The following GPC5 variants were observed in gnomAD, a reference collection of about 807,000 sequenced individuals.
The protein encoded by GPC5 is glypican-5.
A neutral mutation model predicts 53.9 loss-of-function variants in GPC5; 47 were observed. The observed-to-expected ratio is 0.87, with a 90% CI of 0.69 to 1.11. The LOEUF is 1.11. Among genes scored for constraint, GPC5 ranks in the 50% most tolerant of loss-of-function variants. GPC5 has a pLI of 0.00. For missense variants in GPC5, 748 were observed against 713.1 expected (o/e 1.05, Z -0.56); for synonymous variants, 286 against 263.3 (o/e 1.09, Z -0.84).
At chr13:91,601,235 G>A (rs1043730095) in intron 2 of GPC5, among the ~76,000 whole-genome samples, 4 of 152,090 alleles carry the variant, frequency 2.6e-5, no homozygotes, top group Admixed American at 6.5e-5. Context: ...GTACAATAGG[G>A]CACCAAAAAT....
chr13:91,837,287 C>G (rs373193802), intron 5 of GPC5, among the ~76,000 whole-genome samples: 1 of 151,830 alleles, frequency 6.6e-6, no homozygotes, highest in Non-Finnish European at 1.5e-5. Flanking sequence ...GATCTGATTG[C>G]CTTTCATCTG....
chr13:92,491,642 T>C (rs1257399056), intron 7 of GPC5, among the ~76,000 whole-genome samples: 1 of 152,104 alleles, frequency 6.6e-6, no homozygotes, highest in Non-Finnish European at 1.5e-5. Context: ...TGGCCAACCG[T>C]GTAGATTATC....
At chr13:92,374,929 C>T (rs2043682079) in intron 7 of GPC5, among the ~76,000 whole-genome samples, 1 of 149,366 alleles carries the variant, frequency 6.7e-6, no homozygotes, top group African/African-American at 2.5e-5. Flanking sequence ...TAGCAAGAAT[C>T]TGTTTAGGAA....
intron 7 of GPC5, among the ~76,000 whole-genome samples, chr13:92,379,810 C>T (rs1031787028): frequency 1.3e-5 from 2 of 152,170 alleles, no homozygotes; most frequent in Non-Finnish European, 1.5e-5. Flanking sequence ...TTACACATGG[C>T]TCACAGCAAG....
intron 7 of GPC5, among the ~76,000 whole-genome samples, chr13:92,404,918 C>T (rs2139341344): frequency 6.6e-6 from 1 of 150,384 alleles, no homozygotes; most frequent in East Asian, 1.9e-4. Context: ...CCTCACTTAA[C>T]ATTGTCAATA....
At chr13:91,705,697 C>A (rs2036085286) in intron 3 of GPC5, among the ~76,000 whole-genome samples, 2 of 148,468 alleles carry the variant, frequency 1.3e-5, no homozygotes, top group South Asian at 4.5e-4. Context: ...AAAAACACCC[C>A]CCCCCCCATA....
chr13:92,274,443 C>T (rs940916528), intron 7 of GPC5, among the ~76,000 whole-genome samples: 21 of 152,144 alleles, frequency 1.4e-4, no homozygotes, highest in South Asian at 2.1e-4. Context: ...CACCCTTCTC[C>T]TGAGTAACTC....
intron 2 of GPC5, among the ~76,000 whole-genome samples, chr13:91,597,494 T>C (rs1011004133): frequency 8.5e-5 from 13 of 152,300 alleles, no homozygotes; most frequent in African/African-American, 2.2e-4. Context: ...CCTCAGTTTA[T>C]GTCAGCACCT....
chr13:92,810,719 A>AT (rs1877264463), intron 7 of GPC5, among the ~76,000 whole-genome samples: 1 of 151,684 alleles, frequency 6.6e-6, no homozygotes, highest in Non-Finnish European at 1.5e-5. Flanking sequence ...GTCACCTAGA[A>AT]TTTTTATTTA....
At chr13:91,405,223 C>T (rs1877231233) in intron 1 of GPC5, among the ~76,000 whole-genome samples, 1 of 152,194 alleles carries the variant, frequency 6.6e-6, no homozygotes, top group African/African-American at 2.4e-5. Flanking sequence ...GTGCCATTGA[C>T]ATTGGGGGAT....
At chr13:91,902,911 A>G (rs2039512661) in intron 5 of GPC5, among the ~76,000 whole-genome samples, 1 of 151,992 alleles carries the variant, frequency 6.6e-6, no homozygotes, top group African/African-American at 2.4e-5. Flanking sequence ...GGCTCAATGA[A>G]AATTTGTCTA....
rs1358687442 is a variant in GPC5, at chr13:91,414,414, T to C, written c.163+15205T>C. On this transcript the variant is annotated intron_variant, in intron 1 of 7. Coordinates refer to ENST00000377067, the MANE Select transcript of GPC5 (RefSeq NM_004466.6). ...GAGTCAGTTAAACCTCTTTCTGTTA[T>C]AAATTACCCAGTCTTGGGCAGTTCT... is the stretch of plus-strand genomic sequence containing the variant. Among the ~76,000 whole-genome samples the C allele has an allele frequency of 2.0e-5, 3 of 152,270 alleles. No individual in the cohort carries two copies. In the East Asian group the frequency reaches 5.8e-4, roughly 29 times the overall value.
At chr13:91,927,255 G>A (rs1398525158) in intron 6 of GPC5, among the ~76,000 whole-genome samples, 8 of 152,048 alleles carry the variant, frequency 5.3e-5, no homozygotes, top group South Asian at 2.1e-4. Flanking sequence ...TTATTAAGAC[G>A]TAATTATAAC....
At chr13:92,512,577 C>T (rs1880613846) in intron 7 of GPC5, among the ~76,000 whole-genome samples, 1 of 152,056 alleles carries the variant, frequency 6.6e-6, no homozygotes, top group African/African-American at 2.4e-5. Context: ...ATTGTAGTAA[C>T]CCAGATGTTG....
At chr13:91,665,557 C>T (rs895090594) in intron 2 of GPC5, among the ~76,000 whole-genome samples, 1 of 151,436 alleles carries the variant, frequency 6.6e-6, no homozygotes, top group African/African-American at 2.4e-5. Flanking sequence ...GGCTGGAGTC[C>T]AGTGGCGCCA....
chr13:92,087,458 A>G (rs1004415864), intron 6 of GPC5, among the ~76,000 whole-genome samples: 5 of 152,216 alleles, frequency 3.3e-5, no homozygotes, highest in Non-Finnish European at 7.3e-5. Flanking sequence ...TTATCTTCCC[A>G]AATAAATGCC....
At chr13:91,425,357 G>C (rs527733320) in intron 1 of GPC5, among the ~76,000 whole-genome samples, 1 of 152,122 alleles carries the variant, frequency 6.6e-6, no homozygotes, top group Non-Finnish European at 1.5e-5. Flanking sequence ...GTTAGGCTTT[G>C]TGCCCCTACC....
rs183795412 is a variant in GPC5, at chr13:92,513,801, G to A, written c.1562-352481G>A. 3.9e-5 allele frequency among the ~76,000 whole-genome samples: 6 copies of A among 152,190 alleles called. No individual in the cohort carries two copies. The East Asian group carries it at 1.2e-3, about 29-fold the overall frequency. On this transcript the variant is annotated intron_variant, in intron 7 of 7. Transcript: ENST00000377067. ...ATACACCTATACACATAGCCTGAAG[G>A]TAATTTTATACCATATTTTTAGTAA...
chr13:92,658,057 C>T (rs1285717750), intron 7 of GPC5, among the ~76,000 whole-genome samples: 5 of 152,046 alleles, frequency 3.3e-5, no homozygotes, highest in African/African-American at 1.2e-4. Context: ...TATACACTTA[C>T]CCCAATTCTG....
Sources: allele counts gnomAD v4.1 joint callset (sites outside exome capture counted in the v4.1 genomes callset), GRCh38; gene constraint gnomAD v4.1.1; transcripts MANE v1.5; gene names NCBI Gene and HGNC (gene_info 2026-07-23, HGNC 2026-07-21).